The following DYNC2I1 variants were observed in gnomAD, a reference collection of about 807,000 sequenced individuals.
The protein encoded by DYNC2I1 is cytoplasmic dynein 2 intermediate chain 1.
DYNC2I1 carries 89 observed loss-of-function variants against 133.4 expected under a neutral mutation model. That is an observed-to-expected ratio of 0.67 (90% CI 0.56 to 0.80). The LOEUF (loss-of-function observed/expected upper bound fraction) is 0.80, where lower values mean the gene tolerates loss of function less well. DYNC2I1 is among the 30% of genes least tolerant of loss of function. The pLI is 0.00. For synonymous variants in DYNC2I1, 504 were observed against 484.3 expected, an observed-to-expected ratio of 1.04 and a Z score of -0.54; for missense variants, 1,291 against 1,314.5, an observed-to-expected ratio of 0.98 and a Z score of 0.28.
chr7:158,840,146 A>G, the DYNC2I1 span, among the ~76,000 whole-genome samples: 1 of 151,914 alleles, frequency 6.6e-6, no homozygotes. Flanking sequence ...GTTGCTTGCT[A>G]CTGTGAAAAA....
At chr7:158,948,785 T>C (rs922272106), downstream of DYNC2I1, among the ~76,000 whole-genome samples, 2 of 152,160 alleles carry the variant, frequency 1.3e-5, no homozygotes. Flanking sequence ...GTCGCGGCTG[T>C]GGTTTACCCA....
At chr7:158,851,211 G>A in the DYNC2I1 span, among the ~76,000 whole-genome samples, 1 of 151,968 alleles carries the variant, frequency 6.6e-6, no homozygotes, top group Non-Finnish European at 1.5e-5. Flanking sequence ...TGGAGACACT[G>A]GTTATTTTAT....
At chr7:158,957,279 G>A (rs761153086), downstream of DYNC2I1, among the ~76,000 whole-genome samples, 14 of 152,214 alleles carry the variant, frequency 9.2e-5, no homozygotes, top group Non-Finnish European at 1.5e-4. Flanking sequence ...CAACCTCTGC[G>A]GCGCTGGCCT....
chr7:158,923,181 G>C (rs1849264658), intron 16 of DYNC2I1, among the ~76,000 whole-genome samples: 1 of 152,222 alleles, frequency 6.6e-6, no homozygotes, highest in Non-Finnish European at 1.5e-5. Flanking sequence ...CACAAAAGCT[G>C]TAGAGAAGAA....
At chr7:158,841,184 TATATATATATATATATATATATATATATA>T in the DYNC2I1 span, among the ~76,000 whole-genome samples, 111 of 27,808 alleles carry the variant, frequency 4.0e-3, 3 homozygotes, top group African/African-American at 0.016. Context: ...TATATATATA[TATATATATATATATATATATATATATATA>T]TATATATATT....
intron 23 of DYNC2I1, among the ~76,000 whole-genome samples, chr7:158,940,379 T>C (rs974525071): frequency 6.6e-6 from 1 of 152,188 alleles, no homozygotes; most frequent in African/African-American, 2.4e-5. Flanking sequence ...CAGGTGGTAA[T>C]GCTCACTCGC....
At chr7:158,849,579 T>G in the DYNC2I1 span, among the ~76,000 whole-genome samples, 1 of 152,202 alleles carries the variant, frequency 6.6e-6, no homozygotes, top group African/African-American at 2.4e-5. Context: ...GGATAGCTCC[T>G]CTCTGTAGGC....
chr7:158,886,992 T>A, intron 6 of DYNC2I1, 29 bp from the exon 7 acceptor site: 1 of 1,605,856 alleles, frequency 6.2e-7, no homozygotes, highest in South Asian at 1.1e-5. Context: ...TTAAAGTAAG[T>A]TTTGATTTTG....
Position 158,871,529 on chromosome 7 carries a change from C to T in DYNC2I1, c.457C>T (p.Leu153Phe), listed in dbSNP as rs761512706. The T allele has an allele frequency of 1.5e-4, 237 of 1,543,628 alleles. 2 individuals carry two copies. The South Asian group carries it at 2.7e-3, about 18-fold the overall frequency. ...GGGCCAGGAGACACGCGACCGGCAGCTCCTGGAGCGGGCGGAGAGGAAAGG... is the reference window on the plus strand; with the variant it reads ...GGGCCAGGAGACACGCGACCGGCAGTTCCTGGAGCGGGCGGAGAGGAAAGG... Reference protein sequence around the residue: ...LLGQETRDRQLLERAERKGRS... With the variant: ...LLGQETRDRQFLERAERKGRS... The change falls in exon 3 of 25, where the codon CTC becomes TTC. Residue 153 changes from leucine to phenylalanine, a missense_variant. Coordinates refer to ENST00000407559, the MANE Select transcript of DYNC2I1 (RefSeq NM_018051.5).
At chr7:158,953,912 G>A (rs1171337940) in intron 4 of DYNC2I1, among the ~76,000 whole-genome samples, 1 of 152,012 alleles carries the variant, frequency 6.6e-6, no homozygotes, top group Non-Finnish European at 1.5e-5. Flanking sequence ...AAGCATACGT[G>A]TATATTTGTA....
chr7:158,891,361 T>C, intron 8 of DYNC2I1, 28 bp downstream of exon 8: 1 of 1,613,826 alleles, frequency 6.2e-7, no homozygotes, highest in African/African-American at 1.3e-5. Context: ...TCTTATAGTT[T>C]GCAATCCTGT....
chr7:158,877,258 C>T (rs768749239), intron 4 of DYNC2I1, among the ~76,000 whole-genome samples: 2 of 149,322 alleles, frequency 1.3e-5, no homozygotes, highest in East Asian at 2.0e-4. Flanking sequence ...TTCCGCGGCG[C>T]GGGTGTGTTG....
At chr7:158,852,540 AC>A (rs1034197995), upstream of DYNC2I1, among the ~76,000 whole-genome samples, 2 of 150,954 alleles carry the variant, frequency 1.3e-5, no homozygotes, top group Non-Finnish European at 3.0e-5. Flanking sequence ...GGAGTTCGAG[AC>A]CAGCCTGGCC....
chr7:158,884,597 A>G lies in DYNC2I1; in HGVS notation c.913A>G (p.Lys305Glu). 3.1e-6 allele frequency: 5 copies of G among 1,613,394 alleles called. No homozygotes were observed. The highest frequency in any genetic ancestry group is 1.7e-6 in the Non-Finnish European group (2 of 1,179,634). The change falls in exon 6 of 25, where the codon AAA (lysine) becomes GAA (glutamate). Residue 305 changes from lysine to glutamate, a missense_variant. Physicochemically the swap from Lys to Glu is moderately conservative, Grantham distance 56 (BLOSUM62 1). Coordinates refer to ENST00000407559, the MANE Select transcript of DYNC2I1 (RefSeq NM_018051.5). ...ACACAGAAATCGAGGTGCAAGCTCA[A>G]AAAGAGATGGGACCAGCAGCCAGTA... ...GEHRNRGASS[K>E]RDGTSSQHAE... is the part of the protein sequence containing the mutation.
At chr7:158,846,590 C>T in the DYNC2I1 span, among the ~76,000 whole-genome samples, 1 of 152,084 alleles carries the variant, frequency 6.6e-6, no homozygotes, top group African/African-American at 2.4e-5. Flanking sequence ...AAATTGGACT[C>T]ATTAAAATAC....
chr7:158,880,091 G>C, intron 5 of DYNC2I1, 102 bp downstream of exon 5: 1 of 1,356,578 alleles, frequency 7.4e-7, no homozygotes, highest in Non-Finnish European at 1.0e-6. Flanking sequence ...GAGATTTGTG[G>C]CCTAGTAGTA....
intron 8 of DYNC2I1, among the ~76,000 whole-genome samples, chr7:158,894,599 G>A (rs1165793954): frequency 6.6e-6 from 1 of 152,214 alleles, no homozygotes; most frequent in Non-Finnish European, 1.5e-5. Context: ...ACTAACTGAA[G>A]GACATCTTGG....
At chr7:158,913,568 G>A (rs1191502094) in intron 13 of DYNC2I1, among the ~76,000 whole-genome samples, 2 of 152,182 alleles carry the variant, frequency 1.3e-5, no homozygotes, top group African/African-American at 4.8e-5. Context: ...TTTACATGTT[G>A]AATACTTTAC....
At chr7:158,930,432 G>T in intron 20 of DYNC2I1, 23 bp from the exon 21 acceptor site, 1 of 1,605,234 alleles carries the variant, frequency 6.2e-7, no homozygotes, top group Non-Finnish European at 8.5e-7. Context: ...AAGGTGCATT[G>T]ATTTTGGTTC....
Sources: allele counts gnomAD v4.1 joint callset (sites outside exome capture counted in the v4.1 genomes callset), GRCh38; gene constraint gnomAD v4.1.1; transcripts MANE v1.5; gene names NCBI Gene and HGNC (gene_info 2026-07-23, HGNC 2026-07-21).